ATP2C2: variants seen among roughly 807,000 people sequenced by gnomAD.
The protein encoded by ATP2C2 is calcium-transporting ATPase type 2C member 2.
ATP2C2 carries 171 observed loss-of-function variants against 110.8 expected under a neutral mutation model. The observed-to-expected ratio is 1.54, with a 90% confidence interval of 1.36 to 1.75. The LOEUF is 1.75. Among genes scored for constraint, ATP2C2 ranks in the 40% most tolerant of loss-of-function variants. ATP2C2 has a pLI of 0.00. For synonymous variants in ATP2C2, 804 were observed against 508.4 expected, an observed-to-expected ratio of 1.58 and a Z score of -7.82; for missense variants, 1,963 against 1,235.0, an observed-to-expected ratio of 1.59 and a Z score of -8.84.
At chr16:84,393,829 G>A (rs769638372) in intron 1 of ATP2C2, among the ~76,000 whole-genome samples, 4 of 151,530 alleles carry the variant, frequency 2.6e-5, no homozygotes, top group African/African-American at 4.9e-5. Flanking sequence ...AGTGGTGGAC[G>A]GAGTTCCTGC....
At position 84,440,958 on chromosome 16, in the gene ATP2C2, G is replaced by T. The variant is rs752375310; in HGVS notation, c.1311G>T (p.Glu437Asp). ...FSNVSVGKLV[E>D]AGCVANNAVI... ...ATGTCTCAGTGGGAAAGTTAGTGGA[G>T]GTAGGTGTCAAAAGCGCCATGAGGG... The change falls in exon 14 of 27, where the codon GAG becomes GAT. Residue 437 changes from glutamate (E) to aspartate (D), a missense_variant and splice_region_variant. Glu to Asp is a conservative substitution (Grantham distance 45). Coordinates refer to ENST00000262429, the MANE Select transcript of ATP2C2 (RefSeq NM_014861.4). 6.2e-7 allele frequency: 1 copy of T among 1,608,820 alleles called. No homozygotes were observed. The highest frequency in any genetic ancestry group is 8.5e-7 in the Non-Finnish European group (1 of 1,176,648).
At chr16:84,420,773 T>C (rs1907260861) in intron 7 of ATP2C2, among the ~76,000 whole-genome samples, 1 of 152,104 alleles carries the variant, frequency 6.6e-6, no homozygotes, top group Non-Finnish European at 1.5e-5. Context: ...CAGTTTCTGA[T>C]GTTCCTTGTT....
At chr16:84,391,055 A>C (rs571820715) in intron 1 of ATP2C2, among the ~76,000 whole-genome samples, 1 of 138,796 alleles carries the variant, frequency 7.2e-6, no homozygotes, top group African/African-American at 2.6e-5. Flanking sequence ...CAGAGGTTGC[A>C]GTGAGCCGAG....
At chr16:84,460,347 T>G (rs937206829) in intron 23 of ATP2C2, 1 of 388,652 alleles carries the variant, frequency 2.6e-6, no homozygotes, top group Non-Finnish European at 4.7e-6. Flanking sequence ...GGCGCAACGT[T>G]GGGGGGGGTC....
At chr16:84,420,850 G>T (rs888267470) in intron 7 of ATP2C2, among the ~76,000 whole-genome samples, 2 of 152,134 alleles carry the variant, frequency 1.3e-5, no homozygotes, top group African/African-American at 2.4e-5. Context: ...CTGTCACCCA[G>T]GCTGGAGTGC....
chr16:84,455,082 C>A, intron 21 of ATP2C2, 98 bp downstream of exon 21: 1 of 1,465,290 alleles, frequency 6.8e-7, no homozygotes, highest in Admixed American at 2.1e-5. Context: ...GGGGGGGTCT[C>A]GCGGAGTCCC....
chr16:84,373,930 C>T (rs1306887820), intron 1 of ATP2C2, among the ~76,000 whole-genome samples: 2 of 152,192 alleles, frequency 1.3e-5, no homozygotes, highest in Non-Finnish European at 2.9e-5. Flanking sequence ...TTTGTCAGGA[C>T]TTTGTTTGCT....
chr16:84,384,919 C>T (rs1307702038), intron 1 of ATP2C2, among the ~76,000 whole-genome samples: 4 of 152,152 alleles, frequency 2.6e-5, no homozygotes, highest in Admixed American at 2.6e-4. Flanking sequence ...CTTGGTGATG[C>T]ATGCCTGTAA....
intron 20 of ATP2C2, among the ~76,000 whole-genome samples, 162 bp downstream of exon 20, chr16:84,453,533 A>C (rs1277063202): frequency 6.6e-6 from 1 of 151,962 alleles, no homozygotes; most frequent in African/African-American, 2.4e-5. Context: ...TTTCATAGCC[A>C]GGGGGAGGGG....
chr16:84,461,594 T>G, intron 24 of ATP2C2, 120 bp from the exon 25 acceptor site: 50 of 868,500 alleles, frequency 5.8e-5, no homozygotes, highest in Middle Eastern at 4.6e-4. Context: ...GACCGATTCA[T>G]GAGCTTGTAA....
chr16:84,437,969 C>G (rs74474406), intron 11 of ATP2C2, among the ~76,000 whole-genome samples: 1 of 152,150 alleles, frequency 6.6e-6, no homozygotes, highest in Non-Finnish European at 1.5e-5. Flanking sequence ...TGAATGGACT[C>G]GTGCTCTGAG....
At chr16:84,456,451 T>C (rs1227395875) in intron 21 of ATP2C2, among the ~76,000 whole-genome samples, 1 of 147,868 alleles carries the variant, frequency 6.8e-6, no homozygotes, top group Non-Finnish European at 1.5e-5. Context: ...ATGCCCTCTC[T>C]CACCGCTCCT....
At chr16:84,408,366 G>A in intron 3 of ATP2C2, 39 bp from the exon 4 acceptor site, 1 of 1,587,572 alleles carries the variant, frequency 6.3e-7, no homozygotes, top group South Asian at 1.1e-5. Flanking sequence ...TGGTCCCTGA[G>A]ACTAAAGAAC....
intron 1 of ATP2C2, among the ~76,000 whole-genome samples, chr16:84,395,839 C>T (rs1223706433): frequency 6.6e-6 from 1 of 152,166 alleles, no homozygotes; most frequent in East Asian, 1.9e-4. Flanking sequence ...ATATACATAA[C>T]ATAAAATTCA....
chr16:84,378,862 T>C (rs1350202191), intron 1 of ATP2C2, among the ~76,000 whole-genome samples: 2 of 152,176 alleles, frequency 1.3e-5, no homozygotes, highest in African/African-American at 4.8e-5. Context: ...GGGCTCACCG[T>C]CGCGAGGTCC....
chr16:84,374,247 T>C (rs182940559), intron 1 of ATP2C2, among the ~76,000 whole-genome samples: 1 of 152,280 alleles, frequency 6.6e-6, no homozygotes, highest in African/African-American at 2.4e-5. Flanking sequence ...GAATCCACAA[T>C]TGTGCGCTGT....
intron 16 of ATP2C2, among the ~76,000 whole-genome samples, chr16:84,447,427 C>T (rs2150576363): frequency 6.6e-6 from 1 of 152,050 alleles, no homozygotes; most frequent in East Asian, 1.9e-4. Context: ...CTTCTTCCCT[C>T]CCTCCCCACC....
At chr16:84,461,928 C>T in intron 25 of ATP2C2, 60 bp from the exon 26 acceptor site, 2 of 1,608,534 alleles carry the variant, frequency 1.2e-6, no homozygotes, top group Non-Finnish European at 1.7e-6. Flanking sequence ...GTCAGAGCTC[C>T]CCTGCCTGTA....
chr16:84,405,691 G>A (rs1437211851), intron 3 of ATP2C2, among the ~76,000 whole-genome samples: 3 of 151,950 alleles, frequency 2.0e-5, no homozygotes, highest in Non-Finnish European at 4.4e-5. Context: ...CGGCTGAAGC[G>A]GGTGGATCAC....
Sources: gnomAD v4.1 joint callset for allele counts (sites outside exome capture counted in the v4.1 genomes callset) on GRCh38, gnomAD v4.1.1 for gene constraint, MANE v1.5 for transcripts, NCBI Gene and HGNC (gene_info 2026-07-23, HGNC 2026-07-21) for gene names.